Variants in CYP4A22 observed in about 807,000 individuals in gnomAD.
The protein encoded by CYP4A22 is cytochrome P450 family 4 subfamily A member 22.
In CYP4A22, 46 loss-of-function variants were observed where a neutral mutation model predicts 56.2. The ratio of observed to expected loss-of-function variants is 0.82; its 90% CI spans 0.65 to 1.05. The LOEUF (loss-of-function observed/expected upper bound fraction) is 1.05, where lower values mean the gene tolerates loss of function less well. Ranked by LOEUF, CYP4A22 falls within the 50% of genes least tolerant of loss-of-function variation. The pLI, the probability that CYP4A22 is intolerant of heterozygous loss-of-function variation, is 0.00. For missense variants in CYP4A22, 541 were observed against 645.9 expected, an observed-to-expected ratio of 0.84 and a Z score of 1.76; for synonymous variants, 193 against 251.1, an observed-to-expected ratio of 0.77 and a Z score of 2.19.
At chr1:47,141,765 C>T in intron 3 of CYP4A22, 150 bp downstream of exon 3, 2 of 1,117,344 alleles carry the variant, frequency 1.8e-6, no homozygotes, top group Non-Finnish European at 2.5e-6. Context: ...AGACCCTCAC[C>T]CCTTCCTAAT....
chr1:47,144,238 C>T (rs371051320), intron 6 of CYP4A22, 119 bp from the exon 7 acceptor site: 1 of 1,334,412 alleles, frequency 7.5e-7, no homozygotes. Context: ...GACCCTGCAC[C>T]CACACTCACA....
Position 47,148,744 on chromosome 1 carries a change from C to T in CYP4A22, c.1507C>T (p.His503Tyr), listed in dbSNP as rs758042184. 3.7e-6 allele frequency: 6 copies of T among 1,613,894 alleles called. No individual in the cohort carries two copies. The South Asian group carries it at 4.4e-5, about 12-fold the overall frequency. The change falls in exon 12 of 12, where the codon CAC (histidine) becomes TAC (tyrosine). Residue 503 changes from histidine (H) to tyrosine (Y), a missense_variant. By Grantham distance (83) the His-to-Tyr change is moderately conservative (BLOSUM62 2). Transcript: ENST00000371891. ...TGTGTTGAAATCCAAAAATGGAATC[C>T]ACCTGCGTCTCAGGAGGCTCCCTAA... Reference protein sequence around the residue: ...RLVLKSKNGIHLRLRRLPNPC... With the variant: ...RLVLKSKNGIYLRLRRLPNPC...
chr1:47,137,529 TC>T lies in CYP4A22; in HGVS notation c.45del (p.Ser16ProfsTer6). 1 of 1,614,130 alleles carries T rather than the reference TC, an allele frequency of 6.2e-7. No homozygotes were observed. The highest frequency in any genetic ancestry group is 1.3e-5 in the African/African-American group (1 of 75,072). Reference sequence around the variant, plus strand: ...AGCCCCAGCAGACGCCTGGGTGGTGTCTCCGGGATCCTCCAAGTGACCTCCC... The same window carrying T: ...AGCCCCAGCAGACGCCTGGGTGGTGTTCCGGGATCCTCCAAGTGACCTCCC... The part of the protein sequence containing the change: ...VLSPSRRLGG[V>X]SGILQVTSLL... On this transcript the variant is annotated frameshift_variant, in exon 1 of 12. Transcript: ENST00000371891. LOFTEE classifies it high-confidence loss of function.
chr1:47,139,742 C>T (rs1011609326), intron 1 of CYP4A22, among the ~76,000 whole-genome samples: 3 of 152,184 alleles, frequency 2.0e-5, no homozygotes, highest in Non-Finnish European at 4.4e-5. Context: ...ATGTGGTAGA[C>T]AGTTGCTTTG....
At chr1:47,141,465 A>C in intron 2 of CYP4A22, 106 bp from the exon 3 acceptor site, 1 of 1,294,374 alleles carries the variant, frequency 7.7e-7, no homozygotes, top group Non-Finnish European at 1.1e-6. Context: ...GTGGGAGGTG[A>C]CATGGGTCAA....
chr1:47,143,149 A>C, intron 4 of CYP4A22, 120 bp from the exon 5 acceptor site: 5 of 1,515,692 alleles, frequency 3.3e-6, no homozygotes, highest in Non-Finnish European at 4.4e-6. Flanking sequence ...AAGAATCCCA[A>C]CCAAGATATC....
Position 47,147,345 on chromosome 1 carries a change from T to A in CYP4A22, c.1364+1192T>A, listed in dbSNP as rs187368839. 5.2e-5 allele frequency: 51 copies of A among 985,030 alleles called. No individual in the cohort carries two copies. In the African/African-American group the frequency reaches 8.0e-4, roughly 15 times the overall value. The allele number at this position is 985,030 out of a possible 1,614,324, so 61.0% of individuals were successfully genotyped here. On this transcript the variant is annotated intron_variant, in intron 11 of 11. Transcript: ENST00000371891. ...AATATTTTACTCTCAGTGTATTTCA[T>A]TCTATTTTATTCATTTTAAAACTTA...
At chr1:47,141,492 C>T in intron 2 of CYP4A22, 79 bp from the exon 3 acceptor site, 17 of 1,526,310 alleles carry the variant, frequency 1.1e-5, no homozygotes, top group Non-Finnish European at 1.4e-5. Context: ...AACTGACAGA[C>T]ACCAAGAACT....
chr1:47,139,166 T>C (rs2148553139), intron 1 of CYP4A22, among the ~76,000 whole-genome samples: 1 of 152,326 alleles, frequency 6.6e-6, no homozygotes, highest in East Asian at 1.9e-4. Flanking sequence ...CTGGAATTAT[T>C]TTCTCACTCA....
rs1557646140 is a variant in CYP4A22, at chr1:47,141,576, A to T, written c.343A>T (p.Lys115Ter). The change falls in exon 3 of 12, where the codon AAA becomes TAA. Residue 115 changes from lysine to a stop codon, truncating the protein, a stop_gained. Transcript: ENST00000371891. LOFTEE classifies it high-confidence loss of function. ...AGCCCTTTCTTACTTTTCAGACCCG[A>T]AATCCCATGGATCCTACAAATTCCT... ...MKVILGRSDP[K>*]SHGSYKFLAP... 5 of 1,613,592 alleles carry T rather than the reference A, an allele frequency of 3.1e-6. No individual in the cohort carries two copies. The highest frequency in any genetic ancestry group is 4.2e-6 in the Non-Finnish European group (5 of 1,179,758).
intron 11 of CYP4A22, among the ~76,000 whole-genome samples, 175 bp from the exon 12 acceptor site, chr1:47,148,427 C>T (rs11211468): frequency 0.14 from 21,574 of 151,610 alleles, 1,614 homozygotes; most frequent in South Asian, 0.25. Context: ...AGGTTTGGGA[C>T]AGTGTGAAGC....
At chr1:47,146,555 C>A in intron 11 of CYP4A22, 2 of 1,090,604 alleles carry the variant, frequency 1.8e-6, no homozygotes, top group African/African-American at 3.3e-5. Context: ...CCCCACACAT[C>A]CTCAATGCAG....
chr1:47,142,304 A>G, intron 4 of CYP4A22, 69 bp downstream of exon 4: 1 of 1,511,410 alleles, frequency 6.6e-7, no homozygotes, highest in Non-Finnish European at 8.9e-7. Context: ...TCCACTCTCA[A>G]CCCTGTGTCC....
intron 4 of CYP4A22, 133 bp from the exon 5 acceptor site, chr1:47,143,136 G>C: frequency 1.3e-6 from 2 of 1,501,348 alleles, no homozygotes; most frequent in South Asian, 2.8e-5. Context: ...GCTCTGTAAA[G>C]TGAAGAATCC....
At position 47,143,890 on chromosome 1, in the gene CYP4A22, C is replaced by T. The variant is rs781263992; in HGVS notation, c.764C>T (p.Ala255Val). 4 of 1,612,840 alleles carry T rather than the reference C, an allele frequency of 2.5e-6. No homozygotes were observed. In the East Asian group the frequency reaches 6.7e-5, roughly 27 times the overall value. Residue 255 changes from alanine (A) to valine (V), a missense_variant, in exon 6 of 12, where the codon GCC (alanine) becomes GTC (valine). Physicochemically the swap from Ala to Val is moderately conservative, Grantham distance 64. Around this residue, in one of 3 missense-constraint regions of CYP4A22, gnomAD observed 335 missense variants for 361.2 expected, o/e 0.93. Coordinates refer to ENST00000371891, the MANE Select transcript of CYP4A22 (RefSeq NM_001010969.4). ...TCTGCTGGCCGCTGGACACACCGCG[C>T]CTGCCAGCTGGCCCATCAGCACACA... ...LTSAGRWTHRACQLAHQHTDQ... is the reference protein window; with the variant it reads ...LTSAGRWTHRVCQLAHQHTDQ...
intron 4 of CYP4A22, among the ~76,000 whole-genome samples, chr1:47,142,518 T>C (rs768039824): frequency 1.1e-4 from 17 of 152,234 alleles, no homozygotes; most frequent in Non-Finnish European, 2.4e-4. Context: ...CACAAGGGAC[T>C]GGAGGCATAT....
intron 1 of CYP4A22, among the ~76,000 whole-genome samples, 188 bp downstream of exon 1, chr1:47,137,868 C>A (rs192848744): frequency 1.1e-4 from 16 of 152,338 alleles, no homozygotes; most frequent in Admixed American, 9.2e-4. Flanking sequence ...TGAAGCCCAT[C>A]CTGCTGGTCC....
At chr1:47,141,179 T>C (rs900818455) in intron 2 of CYP4A22, among the ~76,000 whole-genome samples, 2 of 152,204 alleles carry the variant, frequency 1.3e-5, no homozygotes, top group African/African-American at 4.8e-5. Flanking sequence ...TTCTGAAACG[T>C]AAATTGCCCC....
chr1:47,144,722 A>G lies in CYP4A22; in HGVS notation c.1070A>G (p.Asp357Gly). Residue 357 changes from aspartate (D) to glycine (G), a missense_variant, in exon 8 of 12, where the codon GAT (aspartate) becomes GGT (glycine). Around this residue, in one of 3 missense-constraint regions of CYP4A22, gnomAD observed 204 missense variants for 258.9 expected, o/e 0.79. Coordinates refer to ENST00000371891, the MANE Select transcript of CYP4A22 (RefSeq NM_001010969.4). ...CREEIHGLLG[D>G]GASITWNHLD... ...GAGGAGATCCATGGCCTCCTGGGTG[A>G]TGGAGCCTCCATCACCTGGTGAGTG... The G allele has an allele frequency of 6.2e-7, 1 of 1,613,998 alleles. No individual in the cohort carries two copies. The highest frequency in any genetic ancestry group is 8.5e-7 in the Non-Finnish European group (1 of 1,179,906).
Sources: gnomAD v4.1 joint callset for allele counts (sites outside exome capture counted in the v4.1 genomes callset) on GRCh38, gnomAD v4.1.1 for gene constraint, gnomAD v4.1.1 regional missense constraint, MANE v1.5 for transcripts, NCBI Gene and HGNC (gene_info 2026-07-23, HGNC 2026-07-21) for gene names.